Variants in ABL1 observed in about 807,000 individuals in gnomAD.
The protein encoded by ABL1 is tyrosine-protein kinase ABL1.
ABL1 carries 11 observed loss-of-function variants against 94.7 expected under a neutral mutation model. The ratio of observed to expected loss-of-function variants is 0.12; its 90% confidence interval spans 0.07 to 0.19. The LOEUF is 0.19. ABL1 is among the 10% of genes least tolerant of loss of function. The pLI, the probability that ABL1 is intolerant of heterozygous loss-of-function variation, is 1.00. For missense variants in ABL1, 1,082 were observed against 1,489.4 expected (o/e 0.73, Z 4.50); for synonymous variants, 656 against 622.4 (o/e 1.05, Z -0.80).
chr9:130,872,076 C>T lies in ABL1; in HGVS notation c.823-53C>T, dbSNP rs1831259581. The T allele has an allele frequency of 6.5e-6, 10 of 1,532,576 alleles. No individual in the cohort carries two copies. In the South Asian group the frequency reaches 1.1e-4, roughly 17 times the overall value. 94.9% of individuals were successfully genotyped at this position (1,532,576 alleles called of 1,614,324 possible). A position where few individuals can be genotyped will look rare whatever the true frequency, so the allele number is the denominator to read the frequency against. On this transcript the variant is annotated intron_variant, in intron 4 of 10. Transcript: ENST00000318560. This position sits in a 1 kb window ranked among gnomAD's most constrained non-coding sequence, Gnocchi z 5.0. The stretch of plus-strand genomic sequence containing the variant: ...TGCATTAACTAGTCAAGTACTTACC[C>T]ACTGAAAAGCACTTCCTGAAATAAT...
chr9:130,855,118 G>C (rs1391254637), intron 3 of ABL1, 22 bp downstream of exon 3: 2 of 1,604,404 alleles, frequency 1.2e-6, no homozygotes, highest in Admixed American at 1.7e-5. Context: ...TTGGCAGGGG[G>C]CGCTGATGGG....
chr9:130,736,959 G>A (rs1831752235), intron 1 of ABL1, among the ~76,000 whole-genome samples: 1 of 152,180 alleles, frequency 6.6e-6, no homozygotes, highest in African/African-American at 2.4e-5. Flanking sequence ...GCCCAAGCAT[G>A]TCACAAGGAA....
At chr9:130,759,973 T>A (rs1380574762) in intron 1 of ABL1, among the ~76,000 whole-genome samples, 2 of 141,564 alleles carry the variant, frequency 1.4e-5, no homozygotes, top group Admixed American at 1.4e-4. Flanking sequence ...ATTTTTTTTT[T>A]TTTTTTTTTT....
intron 1 of ABL1, among the ~76,000 whole-genome samples, chr9:130,716,753 T>C (rs1371161653): frequency 1.3e-5 from 2 of 152,154 alleles, no homozygotes; most frequent in Non-Finnish European, 2.9e-5. Context: ...GGAGAATTTT[T>C]TTTTTTTCCT....
intron 1 of ABL1, among the ~76,000 whole-genome samples, chr9:130,778,781 G>T (rs1006791546): frequency 3.9e-5 from 6 of 151,922 alleles, no homozygotes. Context: ...AGGCAGGAGG[G>T]GGATGAGTGC....
chr9:130,788,040 ACT>A (rs1255901257), intron 1 of ABL1, among the ~76,000 whole-genome samples: 1 of 152,120 alleles, frequency 6.6e-6, no homozygotes, highest in African/African-American at 2.4e-5. Context: ...GGGGAGTAGA[ACT>A]CTATTTCTTC....
chr9:130,776,924 C>T (rs1829666164), intron 1 of ABL1, among the ~76,000 whole-genome samples: 1 of 152,010 alleles, frequency 6.6e-6, no homozygotes, highest in African/African-American at 2.4e-5. Context: ...GCTGGTTTTC[C>T]TAGATCTTTG....
chr9:130,735,961 A>ATATTTTT (rs573602038), intron 1 of ABL1, among the ~76,000 whole-genome samples: 63 of 94,842 alleles, frequency 6.6e-4, no homozygotes, highest in Middle Eastern at 4.8e-3. Flanking sequence ...ATATATATAT[A>ATATTTTT]TTTTTTTTTT....
Position 130,886,695 on chromosome 9 carries a change from A to C in ABL1, c.*1012A>C, listed in dbSNP as rs1831590325. The C allele has an allele frequency of 1.3e-5, 3 of 233,514 alleles. No homozygotes were observed. Among genetic ancestry groups the C allele is most frequent in the Non-Finnish European group, 2.5e-5 (3 of 118,024 alleles). 14.5% of individuals were successfully genotyped at this position (233,514 alleles called of 1,614,324 possible). Reference sequence around the variant, plus strand: ...CTCCCCCACTCCTCTAAGACAAAGTAGATTCTTACAAGGCCCTTTCCTTTG... The same window carrying C: ...CTCCCCCACTCCTCTAAGACAAAGTCGATTCTTACAAGGCCCTTTCCTTTG... On this transcript the variant is annotated 3_prime_UTR_variant, in exon 11 of 11. Coordinates refer to ENST00000318560, the MANE Select transcript of ABL1 (RefSeq NM_005157.6).
chr9:130,792,182 GCCTA>G (rs1242596685), intron 1 of ABL1, among the ~76,000 whole-genome samples: 5 of 152,050 alleles, frequency 3.3e-5, no homozygotes, highest in Non-Finnish European at 7.4e-5. Context: ...TTGGGAGAAG[GCCTA>G]CCTTTTTCCC....
At chr9:130,736,922 C>G (rs757736743) in intron 1 of ABL1, among the ~76,000 whole-genome samples, 24 of 152,150 alleles carry the variant, frequency 1.6e-4, no homozygotes, top group Middle Eastern at 3.2e-3. Flanking sequence ...TATATAGAAT[C>G]CAGTACCCTG....
rs776649059 is a variant in ABL1 at position 130,885,351 on chromosome 9, C to T, written c.3061C>T (p.Arg1021Trp). 1.1e-5 allele frequency: 18 copies of T among 1,613,700 alleles called. No homozygotes were observed. Among genetic ancestry groups the T allele is most frequent in the Non-Finnish European group, 1.3e-5 (15 of 1,180,050 alleles). Residue 1021 changes from arginine to tryptophan, a missense_variant, in exon 11 of 11, where the codon CGG becomes TGG. Around this residue, in one of 7 missense-constraint regions of ABL1, gnomAD observed 780 missense variants for 835.8 expected, o/e 0.93. Transcript: ENST00000318560. ...TCGGAAAACCCGCCAGCCTCCAGAG[C>T]GGATCGCCAGCGGCGCCATCACCAA... ...SLRKTRQPPE[R>W]IASGAITKGV...
chr9:130,876,733 C>CTTTTTTTTTTTTTT (rs755840936), intron 7 of ABL1, among the ~76,000 whole-genome samples: 1 of 83,198 alleles, frequency 1.2e-5, no homozygotes, highest in African/African-American at 5.2e-5. Flanking sequence ...AAGTTGGTTT[C>CTTTTTTTTTTTTTT]TTTTTTTTTT....
rs140662590 is a variant in ABL1, at chr9:130,750,890, G to A, written c.136+36435G>A. ...TCGAACTCCTGACCTCAGGTGATCTGCCCCTCAGCCTCCCAAAGTGCTGGG... is the reference window on the plus strand; with the variant it reads ...TCGAACTCCTGACCTCAGGTGATCTACCCCTCAGCCTCCCAAAGTGCTGGG... On this transcript the variant is annotated intron_variant, in intron 1 of 10. Coordinates refer to the ABL1 transcript ENST00000372348. Among the ~76,000 whole-genome samples the A allele has an allele frequency of 6.5e-3, 975 of 151,156 alleles. 3 individuals are homozygous for A. Among genetic ancestry groups the A allele is most frequent in the Middle Eastern group, 0.014 (4 of 290 alleles).
intron 1 of ABL1, among the ~76,000 whole-genome samples, chr9:130,764,688 T>C (rs918045930): frequency 2.0e-5 from 3 of 152,218 alleles, no homozygotes; most frequent in African/African-American, 7.2e-5. Flanking sequence ...CCAGGCACAG[T>C]GGCTCATGCC....
chr9:130,865,210 T>C (rs1831134944), intron 4 of ABL1, among the ~76,000 whole-genome samples: 1 of 152,212 alleles, frequency 6.6e-6, no homozygotes, highest in Non-Finnish European at 1.5e-5. Context: ...GATCTCACAG[T>C]TGGTAAAGAA....
At chr9:130,758,157 A>ATTTT (rs375183745) in intron 1 of ABL1, among the ~76,000 whole-genome samples, 1 of 145,144 alleles carries the variant, frequency 6.9e-6, no homozygotes, top group African/African-American at 2.6e-5. Flanking sequence ...AGTGGCTAAG[A>ATTTT]TTTTTTTTTT....
intron 1 of ABL1, among the ~76,000 whole-genome samples, chr9:130,770,566 G>A (rs139745662): frequency 5.9e-5 from 9 of 152,254 alleles, no homozygotes; most frequent in Non-Finnish European, 8.8e-5. Context: ...GGAAAGGAGC[G>A]GCACGAAATG....
chr9:130,860,141 A>G (rs1831048797), intron 3 of ABL1, among the ~76,000 whole-genome samples: 1 of 152,170 alleles, frequency 6.6e-6, no homozygotes, highest in Non-Finnish European at 1.5e-5. Flanking sequence ...TGAACATGCC[A>G]TGAATTCCTG....
Sources: allele counts gnomAD v4.1 joint callset (sites outside exome capture counted in the v4.1 genomes callset), GRCh38; gene constraint gnomAD v4.1.1; regional missense constraint gnomAD v4.1.1; non-coding constraint Gnocchi (gnomAD v3.1); transcripts MANE v1.5; gene names NCBI Gene and HGNC (gene_info 2026-07-23, HGNC 2026-07-21).